The following GRID2 variants were observed in gnomAD, a reference collection of about 807,000 sequenced individuals.
GRID2 encodes glutamate receptor ionotropic, delta-2.
In GRID2, 33 loss-of-function variants were observed where a neutral mutation model predicts 114.8. The observed-to-expected ratio is 0.29, with a 90% CI of 0.22 to 0.38. The LOEUF (loss-of-function observed/expected upper bound fraction) is 0.38, where lower values mean the gene tolerates loss of function less well. GRID2 is among the 10% of genes least tolerant of loss of function. GRID2 has a pLI of 1.00. For synonymous variants in GRID2, 505 were observed against 449.9 expected (o/e 1.12, Z -1.55); for missense variants, 1,184 against 1,257.7 (o/e 0.94, Z 0.89).
At chr4:93,053,670 C>T (rs1349929237) in intron 2 of GRID2, among the ~76,000 whole-genome samples, 3 of 151,798 alleles carry the variant, frequency 2.0e-5, no homozygotes, top group African/African-American at 7.3e-5. Context: ...GGTGACTTAA[C>T]CAAAACAAAG....
At chr4:92,637,357 A>G (rs1204862330) in intron 2 of GRID2, among the ~76,000 whole-genome samples, 2 of 152,218 alleles carry the variant, frequency 1.3e-5, no homozygotes, top group Middle Eastern at 3.4e-3. Flanking sequence ...TATGTAGAGT[A>G]AGTTAACTAA....
At chr4:92,607,106 T>A (rs532862989) in intron 2 of GRID2, among the ~76,000 whole-genome samples, 1 of 152,118 alleles carries the variant, frequency 6.6e-6, no homozygotes, top group Admixed American at 6.6e-5. Context: ...TATGCCTGGT[T>A]GCAATTTTTT....
intron 4 of GRID2, among the ~76,000 whole-genome samples, chr4:93,115,917 C>T (rs1241010857): frequency 6.6e-6 from 1 of 152,112 alleles, no homozygotes; most frequent in African/African-American, 2.4e-5. Context: ...TGGGTGGGGA[C>T]AAAGCCAACC....
chr4:93,007,288 C>T (rs1288701107), intron 2 of GRID2, among the ~76,000 whole-genome samples: 1 of 151,948 alleles, frequency 6.6e-6, no homozygotes, highest in Non-Finnish European at 1.5e-5. Flanking sequence ...TGAAAAGTCA[C>T]ATTTTGGTAA....
intron 4 of GRID2, among the ~76,000 whole-genome samples, chr4:93,125,067 A>C (rs1470407627): frequency 6.6e-6 from 1 of 152,026 alleles, no homozygotes; most frequent in Non-Finnish European, 1.5e-5. Context: ...TTGAGGTAAG[A>C]GCTAGAGTAT....
intron 14 of GRID2, among the ~76,000 whole-genome samples, chr4:93,724,404 C>T (rs1386234373): frequency 6.6e-6 from 1 of 152,048 alleles, no homozygotes; most frequent in Non-Finnish European, 1.5e-5. Context: ...TAGGTAGTTA[C>T]TTATTATGCT....
intron 2 of GRID2, among the ~76,000 whole-genome samples, chr4:92,912,307 T>A (rs887469463): frequency 3.3e-5 from 5 of 151,782 alleles, no homozygotes; most frequent in African/African-American, 1.2e-4. Context: ...TAAACAAATA[T>A]GCCCTCAAGT....
rs140040102 is a variant in GRID2 at position 93,372,169 on chromosome 4, G to A, written c.1246-23438G>A. Among the ~76,000 whole-genome samples the A allele has an allele frequency of 9.6e-4, 146 of 152,160 alleles. 3 individuals are homozygous for A. In the East Asian group the frequency reaches 0.026, roughly 28 times the overall value. ...ATTAAAGACACACAAGTAAACAAAG[G>A]TAACAATAAAATAGTAATACATATC... On this transcript the variant is annotated intron_variant, in intron 8 of 15. Coordinates refer to ENST00000282020, the MANE Select transcript of GRID2 (RefSeq NM_001510.4).
At chr4:92,405,178 G>A (rs1337950333) in intron 1 of GRID2, among the ~76,000 whole-genome samples, 2 of 152,142 alleles carry the variant, frequency 1.3e-5, no homozygotes, top group Non-Finnish European at 2.9e-5. Context: ...TTCGACTTTG[G>A]TCTAGTTAAT....
intron 4 of GRID2, among the ~76,000 whole-genome samples, chr4:93,144,858 A>G (rs968135174): frequency 1.3e-5 from 2 of 152,210 alleles, no homozygotes; most frequent in African/African-American, 4.8e-5. Context: ...CATAAAAAGC[A>G]ACATTAATCA....
intron 2 of GRID2, among the ~76,000 whole-genome samples, chr4:92,916,661 T>A (rs905306986): frequency 3.9e-5 from 6 of 152,180 alleles, no homozygotes; most frequent in Non-Finnish European, 5.9e-5. Context: ...GTTTCCAGCT[T>A]CATCCATGTC....
intron 13 of GRID2, among the ~76,000 whole-genome samples, chr4:93,607,295 A>G (rs879671094): frequency 6.6e-6 from 1 of 152,286 alleles, no homozygotes; most frequent in South Asian, 2.1e-4. Context: ...TTTAAAAAAT[A>G]GGATTACATT....
chr4:92,577,651 A>T (rs1186509369), intron 1 of GRID2, among the ~76,000 whole-genome samples: 1 of 152,214 alleles, frequency 6.6e-6, no homozygotes, highest in Non-Finnish European at 1.5e-5. Flanking sequence ...ATGTGAAAAA[A>T]TAAATCTCCA....
At chr4:93,417,568 C>A (rs1463372042) in intron 9 of GRID2, among the ~76,000 whole-genome samples, 1 of 151,966 alleles carries the variant, frequency 6.6e-6, no homozygotes, top group Non-Finnish European at 1.5e-5. Context: ...TGATCAGACC[C>A]TTCCCAGCAT....
intron 8 of GRID2, among the ~76,000 whole-genome samples, chr4:93,282,185 A>T (rs1392279035): frequency 1.3e-5 from 2 of 152,052 alleles, no homozygotes; most frequent in East Asian, 3.9e-4. Context: ...ATAAGGGAGA[A>T]AATTCATGTT....
intron 2 of GRID2, among the ~76,000 whole-genome samples, chr4:92,614,404 A>G (rs1729903918): frequency 1.3e-5 from 2 of 151,670 alleles, no homozygotes; most frequent in Admixed American, 6.6e-5. Flanking sequence ...TGATTGCTAT[A>G]AATGTAAACA....
chr4:93,113,540 C>G (rs1252872860), intron 4 of GRID2, among the ~76,000 whole-genome samples: 1 of 152,206 alleles, frequency 6.6e-6, no homozygotes, highest in Non-Finnish European at 1.5e-5. Context: ...CACTGGTTTT[C>G]CAGTTCATCG....
At position 93,772,648 on chromosome 4, in the gene GRID2, T is replaced by C; in HGVS notation, c.*150T>C. ...TAGTTTTTTCCTCCCACCTTCTCCC[T>C]CTCCTCTCTCCTCTATGATTTTCTC... is the stretch of plus-strand genomic sequence containing the variant. On this transcript the variant is annotated 3_prime_UTR_variant, in exon 16 of 16. Transcript: ENST00000282020. 2 of 570,664 alleles carry C rather than the reference T, an allele frequency of 3.5e-6. No homozygotes were observed. The highest frequency in any genetic ancestry group is 6.1e-6 in the Non-Finnish European group (2 of 328,824). 35.4% of individuals were successfully genotyped at this position (570,664 alleles called of 1,614,324 possible). A position where few individuals can be genotyped will look rare whatever the true frequency, so the allele number is the denominator to read the frequency against.
intron 1 of GRID2, among the ~76,000 whole-genome samples, chr4:92,308,415 CAT>C (rs1259644478): frequency 1.3e-5 from 2 of 152,028 alleles, no homozygotes; most frequent in African/African-American, 2.4e-5. Flanking sequence ...TGTTTTCAGT[CAT>C]AGTAAAATAC....
Sources: allele counts gnomAD v4.1 joint callset (sites outside exome capture counted in the v4.1 genomes callset), GRCh38; gene constraint gnomAD v4.1.1; transcripts MANE v1.5; gene names NCBI Gene and HGNC (gene_info 2026-07-23, HGNC 2026-07-21).